ITGB3BP: variants seen among roughly 807,000 people sequenced by gnomAD.
ITGB3BP encodes the protein integrin subunit beta 3 binding protein.
ITGB3BP carries 27 observed loss-of-function variants against 29.1 expected under a neutral mutation model. That is an observed-to-expected ratio of 0.93 (90% confidence interval 0.68 to 1.28). The LOEUF (loss-of-function observed/expected upper bound fraction) is 1.28. ITGB3BP is among the 50% of genes most tolerant of loss of function. The pLI is 0.00. For missense variants in ITGB3BP, 192 were observed against 200.2 expected, an observed-to-expected ratio of 0.96 and a Z score of 0.25; for synonymous variants, 61 against 61.4, an observed-to-expected ratio of 0.99 and a Z score of 0.03.
At chr1:63,467,426 T>A (rs1417270444) in intron 4 of ITGB3BP, among the ~76,000 whole-genome samples, 1 of 150,414 alleles carries the variant, frequency 6.6e-6, no homozygotes, top group African/African-American at 2.4e-5. Flanking sequence ...CACCACTCAC[T>A]GCAGCCTCCA....
At chr1:63,475,843 CA>C (rs1404882737) in intron 4 of ITGB3BP, among the ~76,000 whole-genome samples, 1 of 151,588 alleles carries the variant, frequency 6.6e-6, no homozygotes, top group Non-Finnish European at 1.5e-5. Flanking sequence ...ACTAAAAATA[CA>C]AAAATTAGCC....
upstream of ITGB3BP, among the ~76,000 whole-genome samples, chr1:63,526,425 A>G (rs1400587849): frequency 2.6e-5 from 4 of 152,294 alleles, no homozygotes; most frequent in East Asian, 7.7e-4. Flanking sequence ...TAATAACTTT[A>G]TGGGTAGAGA....
chr1:63,460,030 C>T (rs1050467404), intron 4 of ITGB3BP, among the ~76,000 whole-genome samples: 1 of 151,582 alleles, frequency 6.6e-6, no homozygotes, highest in Non-Finnish European at 1.5e-5. Flanking sequence ...AAAAAAAATT[C>T]CCCCCCGTGT....
At chr1:63,517,983 A>C (rs1646371086) in intron 1 of ITGB3BP, among the ~76,000 whole-genome samples, 1 of 152,152 alleles carries the variant, frequency 6.6e-6, no homozygotes, top group Non-Finnish European at 1.5e-5. Context: ...TCAGCCTCCC[A>C]AAGTGATGGG....
chr1:63,491,935 A>G (rs1418746416), intron 2 of ITGB3BP, among the ~76,000 whole-genome samples: 2 of 152,138 alleles, frequency 1.3e-5, no homozygotes, highest in Non-Finnish European at 2.9e-5. Context: ...ATTCAGTCAT[A>G]AACTATGACA....
rs1201870520 is a variant in ITGB3BP, at chr1:63,487,674, A to C, written c.184+2409T>G. 3.9e-5 allele frequency among the ~76,000 whole-genome samples: 6 copies of C among 152,262 alleles called. No individual in the cohort carries two copies. In the East Asian group the frequency reaches 9.6e-4, roughly 24 times the overall value. The stretch of plus-strand genomic sequence containing the variant: ...TTTATCTAAACATATCTAAACATAA[A>C]AAAGCACAGTAAAATACGGTATTAT... On this transcript the variant is annotated intron_variant, in intron 3 of 8. Coordinates refer to ENST00000271002, the MANE Select transcript of ITGB3BP (RefSeq NM_014288.5).
chr1:63,474,435 C>T (rs1376346780), intron 4 of ITGB3BP, among the ~76,000 whole-genome samples: 96 of 150,742 alleles, frequency 6.4e-4, no homozygotes, highest in Non-Finnish European at 1.3e-3. Flanking sequence ...ATGACAATGG[C>T]GGTTTTGTGG....
chr1:63,481,386 T>C (rs1244414454), intron 3 of ITGB3BP, among the ~76,000 whole-genome samples: 1 of 152,160 alleles, frequency 6.6e-6, no homozygotes. Context: ...ATACAACATA[T>C]TGAGTAGTAA....
chr1:63,465,443 G>A (rs1168995894), intron 4 of ITGB3BP, among the ~76,000 whole-genome samples: 1 of 146,936 alleles, frequency 6.8e-6, no homozygotes, highest in Non-Finnish European at 1.5e-5. Context: ...TTTTTTTCTT[G>A]ATAGGGTATT....
intron 1 of ITGB3BP, among the ~76,000 whole-genome samples, chr1:63,514,964 A>G (rs1402467093): frequency 6.9e-6 from 1 of 145,838 alleles, no homozygotes. Context: ...AAAAAAAAAA[A>G]GAAAAACAGA....
intron 7 of ITGB3BP, among the ~76,000 whole-genome samples, chr1:63,452,624 C>A (rs1409763845): frequency 1.9e-5 from 1 of 52,096 alleles, no homozygotes; most frequent in African/African-American, 5.2e-5. Context: ...TTTTCTTTTT[C>A]TTTTCTTTCT....
intron 1 of ITGB3BP, chr1:63,510,146 T>C: frequency 1.6e-6 from 1 of 621,610 alleles, no homozygotes; most frequent in Non-Finnish European, 3.0e-6. Flanking sequence ...ACGGAAATCG[T>C]GCCATTGCAC....
rs141155951 is a variant in ITGB3BP, at chr1:63,508,435, T to C, written c.48+93A>G. ...TCACACTGTGATATAATTAAAATTATCAAGATAATTTTAATATTTAACGAG... is the reference window on the plus strand; with the variant it reads ...TCACACTGTGATATAATTAAAATTACCAAGATAATTTTAATATTTAACGAG... On this transcript the variant is annotated intron_variant, in intron 2 of 8. Transcript: ENST00000271002. The C allele has an allele frequency of 3.5e-4, 227 of 640,076 alleles. No homozygotes were observed. The African/African-American group carries it at 3.8e-3, about 11-fold the overall frequency. The allele number at this position is 640,076 out of a possible 1,614,324, so 39.6% of individuals were successfully genotyped here.
intron 2 of ITGB3BP, among the ~76,000 whole-genome samples, chr1:63,500,100 G>C (rs1044590066): frequency 1.2e-4 from 19 of 152,326 alleles, no homozygotes; most frequent in African/African-American, 3.4e-4. Flanking sequence ...AGTAGGGCGG[G>C]GGGGCTGTGA....
chr1:63,525,970 TG>T (rs1187359327), upstream of ITGB3BP, among the ~76,000 whole-genome samples: 1 of 152,162 alleles, frequency 6.6e-6, no homozygotes, highest in Non-Finnish European at 1.5e-5. Context: ...ACAAACTAGA[TG>T]GGTAATTGAA....
At chr1:63,467,523 TGA>T (rs1210215676) in intron 4 of ITGB3BP, among the ~76,000 whole-genome samples, 2,013 of 27,026 alleles carry the variant, frequency 0.074, 42 homozygotes, top group African/African-American at 0.16. Flanking sequence ...GCTTGCTTGC[TGA>T]TTGATTGATT....
chr1:63,485,519 T>C (rs1645511230), intron 3 of ITGB3BP, among the ~76,000 whole-genome samples: 1 of 152,020 alleles, frequency 6.6e-6, no homozygotes, highest in Non-Finnish European at 1.5e-5. Context: ...ACTTTTGCTT[T>C]ATAGTCAGCA....
chr1:63,473,185 G>A (rs914574294), intron 4 of ITGB3BP, among the ~76,000 whole-genome samples: 3 of 151,836 alleles, frequency 2.0e-5, no homozygotes, highest in African/African-American at 4.8e-5. Context: ...TGGGAGGTGA[G>A]GAGCGTCTCT....
chr1:63,463,917 G>A (rs1004796141), intron 4 of ITGB3BP, among the ~76,000 whole-genome samples: 1 of 152,008 alleles, frequency 6.6e-6, no homozygotes, highest in Non-Finnish European at 1.5e-5. Context: ...AAAAGGCAAA[G>A]TGAAAAGAGT....
Sources: gnomAD v4.1 joint callset for allele counts (sites outside exome capture counted in the v4.1 genomes callset) on GRCh38, gnomAD v4.1.1 for gene constraint, MANE v1.5 for transcripts, NCBI Gene and HGNC (gene_info 2026-07-23, HGNC 2026-07-21) for gene names.